The following CDH12 variants were observed in gnomAD, a reference collection of about 807,000 sequenced individuals.
CDH12 encodes the protein cadherin 12.
A neutral mutation model predicts 74.1 loss-of-function variants in CDH12; 41 were observed. The observed-to-expected ratio is 0.55, with a 90% CI of 0.43 to 0.72. CDH12 has a LOEUF of 0.72. Among genes scored for constraint, CDH12 ranks in the 30% least tolerant of loss-of-function variants. The pLI is 0.00. For missense variants in CDH12, 945 were observed against 977.2 expected (o/e 0.97, Z 0.44); for synonymous variants, 399 against 355.0 (o/e 1.12, Z -1.39).
At chr5:22,394,815 T>C (rs1292096265) in intron 3 of CDH12, among the ~76,000 whole-genome samples, 1 of 152,124 alleles carries the variant, frequency 6.6e-6, no homozygotes, top group Non-Finnish European at 1.5e-5. Flanking sequence ...ATATCCAAAG[T>C]CTCATGCATA....
At chr5:22,357,901 C>T (rs1740630263) in intron 3 of CDH12, among the ~76,000 whole-genome samples, 1 of 152,068 alleles carries the variant, frequency 6.6e-6, no homozygotes, top group Non-Finnish European at 1.5e-5. Context: ...TGCATGATTC[C>T]TTGTCAAAAA....
At chr5:22,785,058 G>T (rs765373717) in intron 1 of CDH12, among the ~76,000 whole-genome samples, 1 of 152,038 alleles carries the variant, frequency 6.6e-6, no homozygotes, top group Admixed American at 6.6e-5. Context: ...CTAACAAATC[G>T]AAGGAAGGAG....
chr5:22,832,159 A>T (rs921648449), intron 1 of CDH12, among the ~76,000 whole-genome samples: 1 of 152,166 alleles, frequency 6.6e-6, no homozygotes, highest in African/African-American at 2.4e-5. Context: ...CAGCTATTCC[A>T]CTTAATTAGT....
intron 3 of CDH12, among the ~76,000 whole-genome samples, chr5:22,222,328 C>T (rs1752045478): frequency 1.3e-5 from 2 of 151,948 alleles, no homozygotes; most frequent in Non-Finnish European, 2.9e-5. Flanking sequence ...CAAGGAGCTA[C>T]AAACCAAGGA....
At chr5:22,560,631 A>G (rs1192399256) in intron 1 of CDH12, among the ~76,000 whole-genome samples, 1 of 152,140 alleles carries the variant, frequency 6.6e-6, no homozygotes, top group Non-Finnish European at 1.5e-5. Context: ...TACAAAAAAT[A>G]AAGGTAATAA....
rs530413852 is a variant in CDH12 at position 22,223,634 on chromosome 5, T to C, written c.-332-10991A>G. ...TGAGGCATTCTTATGACAGGAGATC[T>C]GTTCTAATCTAGAGTAGGATTGGCC... On this transcript the variant is annotated intron_variant, in intron 3 of 14. Transcript: ENST00000382254. 2.0e-5 allele frequency among the ~76,000 whole-genome samples: 3 copies of C among 152,124 alleles called. No individual in the cohort carries two copies. The South Asian group carries it at 6.2e-4, about 32-fold the overall frequency.
chr5:22,048,576 A>AG (rs1455768479), intron 5 of CDH12, among the ~76,000 whole-genome samples: 7 of 152,186 alleles, frequency 4.6e-5, no homozygotes, highest in African/African-American at 1.2e-4. Context: ...TTGATGACAC[A>AG]GGATAATGCA....
At chr5:22,535,535 T>C (rs1010023992) in intron 1 of CDH12, among the ~76,000 whole-genome samples, 1 of 152,204 alleles carries the variant, frequency 6.6e-6, no homozygotes, top group Non-Finnish European at 1.5e-5. Context: ...GTGTTATCAG[T>C]AGATTCAAAG....
chr5:22,579,680 G>A (rs1739980239), intron 1 of CDH12, among the ~76,000 whole-genome samples: 2 of 151,704 alleles, frequency 1.3e-5, no homozygotes, highest in South Asian at 4.2e-4. Flanking sequence ...CTCTTACACA[G>A]AGACACACTA....
At chr5:21,903,673 C>T (rs767667141) in intron 6 of CDH12, among the ~76,000 whole-genome samples, 15 of 152,036 alleles carry the variant, frequency 9.9e-5, no homozygotes, top group Non-Finnish European at 1.8e-4. Flanking sequence ...GTTTATATAA[C>T]AGTGTCATAA....
chr5:22,623,191 T>C (rs1681647156), intron 1 of CDH12, among the ~76,000 whole-genome samples: 1 of 152,162 alleles, frequency 6.6e-6, no homozygotes, highest in Admixed American at 6.5e-5. Context: ...GAGCTATTTA[T>C]GACAAACCCA....
chr5:22,474,279 T>C (rs902840557), intron 2 of CDH12, among the ~76,000 whole-genome samples: 6 of 152,134 alleles, frequency 3.9e-5, no homozygotes, highest in Non-Finnish European at 8.8e-5. Context: ...AGCCAAGAAC[T>C]GTATTTTCAA....
At position 22,462,648 on chromosome 5, in the gene CDH12, A is replaced by T. The variant is rs139133651; in HGVS notation, c.-428+42622T>A. Among the ~76,000 whole-genome samples, 624 of 152,288 alleles carry T rather than the reference A, an allele frequency of 4.1e-3. 5 individuals are homozygous for T. The highest frequency in any genetic ancestry group is 6.6e-3 in the Non-Finnish European group (447 of 68,020). ...AGTAACATGAAAATTGAAGTAGAAC[A>T]AATATAATTCCTTGAGCCCTGACAG... On this transcript the variant is annotated intron_variant, in intron 2 of 14. Coordinates refer to ENST00000382254, the MANE Select transcript of CDH12 (RefSeq NM_004061.5).
At chr5:21,898,147 A>G (rs986322024) in intron 6 of CDH12, among the ~76,000 whole-genome samples, 3 of 152,144 alleles carry the variant, frequency 2.0e-5, no homozygotes, top group Non-Finnish European at 4.4e-5. Flanking sequence ...TTACTTTAGG[A>G]ATAAATTATA....
chr5:22,498,352 A>T (rs1484020484), intron 2 of CDH12, among the ~76,000 whole-genome samples: 3 of 152,220 alleles, frequency 2.0e-5, no homozygotes, highest in East Asian at 3.9e-4. Context: ...CATGGTTAAC[A>T]ACATTTAATG....
At chr5:21,974,379 AC>A (rs1159007546) in intron 6 of CDH12, among the ~76,000 whole-genome samples, 1 of 152,166 alleles carries the variant, frequency 6.6e-6, no homozygotes, top group East Asian at 1.9e-4. Context: ...TAACTTACTG[AC>A]CTTATATCCT....
intron 1 of CDH12, among the ~76,000 whole-genome samples, chr5:22,571,297 C>T (rs1739526495): frequency 6.6e-6 from 1 of 151,928 alleles, no homozygotes; most frequent in South Asian, 2.1e-4. Context: ...TTTTGTCATG[C>T]CTTCCTCACT....
intron 1 of CDH12, among the ~76,000 whole-genome samples, chr5:22,758,727 T>A (rs1284386303): frequency 6.6e-6 from 1 of 152,216 alleles, no homozygotes; most frequent in Non-Finnish European, 1.5e-5. Context: ...ACTGGATGTA[T>A]AAATCTTCGT....
intron 1 of CDH12, among the ~76,000 whole-genome samples, chr5:22,717,876 T>C (rs1228714369): frequency 2.0e-5 from 3 of 152,124 alleles, no homozygotes; most frequent in Non-Finnish European, 4.4e-5. Context: ...AGACCTTGTG[T>C]CCTGATCTTG....
Sources: gnomAD v4.1 joint callset for allele counts (sites outside exome capture counted in the v4.1 genomes callset) on GRCh38, gnomAD v4.1.1 for gene constraint, MANE v1.5 for transcripts, NCBI Gene and HGNC (gene_info 2026-07-23, HGNC 2026-07-21) for gene names.